Variants in ZNF320 observed in about 807,000 individuals in gnomAD.
The protein encoded by ZNF320 is zinc finger gene 320.
In ZNF320, 2 loss-of-function variants were observed where a neutral mutation model predicts 6.8. The observed-to-expected ratio is 0.29, with a 90% CI of 0.12 to 0.93. The LOEUF (loss-of-function observed/expected upper bound fraction) is 0.93. ZNF320 is among the 40% of genes least tolerant of loss of function. The pLI is 0.55. For synonymous variants in ZNF320, 208 were observed against 203.2 expected (o/e 1.02, Z -0.20); for missense variants, 472 against 611.0 (o/e 0.77, Z 2.40).
chr19:52,881,722 G>C lies in ZNF320; in HGVS notation c.404C>G (p.Pro135Arg), dbSNP rs1217143735. ...TCTTGATTCAAGCTGACCTTTAATA[G>C]GCTTGTTTCCAGCATGCCTTTGATC... ...RYDQRHAGNK[P>R]IKGQLESRFH... Residue 135 changes from proline to arginine, a missense_variant, in exon 6 of 6, where the codon CCT (proline) becomes CGT (arginine). Pro to Arg is a moderately radical substitution (Grantham distance 103). Around this residue, in one of 2 missense-constraint regions of ZNF320, gnomAD observed 462 missense variants for 559.7 expected, o/e 0.83. Transcript: ENST00000682928. 6.2e-7 allele frequency: 1 copy of C among 1,613,920 alleles called. No homozygotes were observed. The highest frequency in any genetic ancestry group is 8.5e-7 in the Non-Finnish European group (1 of 1,179,866).
intron 5 of ZNF320, among the ~76,000 whole-genome samples, chr19:52,865,174 G>A (rs778341258): frequency 1.3e-5 from 2 of 151,620 alleles, no homozygotes; most frequent in Admixed American, 6.6e-5. Flanking sequence ...ATACAAAAAT[G>A]AGCTGGGTGT....
intron 5 of ZNF320, among the ~76,000 whole-genome samples, chr19:52,887,626 G>T (rs11665695): frequency 6.6e-6 from 1 of 151,998 alleles, no homozygotes; most frequent in East Asian, 1.9e-4. Flanking sequence ...TTGCTCTGTC[G>T]TCTGGGCTGG....
At chr19:52,890,971 T>C (rs2147873398) in intron 3 of ZNF320, among the ~76,000 whole-genome samples, 1 of 152,080 alleles carries the variant, frequency 6.6e-6, no homozygotes, top group South Asian at 2.1e-4. Context: ...GCCAACATGG[T>C]GAAACCCTGT....
At chr19:52,867,606 ATTTTTT>A (rs1400456046) in intron 5 of ZNF320, among the ~76,000 whole-genome samples, 1 of 150,054 alleles carries the variant, frequency 6.7e-6, no homozygotes, top group African/African-American at 2.5e-5. Context: ...TTTTATTTTT[ATTTTTT>A]TTCTTTCTTT....
intron 5 of ZNF320, chr19:52,883,762 G>T (rs886254409): frequency 3.0e-6 from 1 of 329,000 alleles, no homozygotes; most frequent in Non-Finnish European, 6.0e-6. Context: ...TTAGCTGGAC[G>T]TGGTGGCAGG....
At chr19:52,874,862 G>A (rs1490712725), downstream of ZNF320, among the ~76,000 whole-genome samples, 1 of 152,148 alleles carries the variant, frequency 6.6e-6, no homozygotes, top group African/African-American at 2.4e-5. Context: ...GTCCTAGGTA[G>A]GGGGACAGCC....
chr19:52,862,636 C>T, exon 6 of ZNF320: 1 of 559,720 alleles, frequency 1.8e-6, no homozygotes, highest in Non-Finnish European at 3.0e-6. Context: ...GCGATGCCCT[C>T]ACCCTAAAGG....
At chr19:52,896,043 A>G (rs1251984574) in intron 1 of ZNF320, among the ~76,000 whole-genome samples, 1 of 152,218 alleles carries the variant, frequency 6.6e-6, no homozygotes, top group East Asian at 1.9e-4. Context: ...TCATAGTTGG[A>G]AAACAATGAT....
At chr19:52,863,996 G>T (rs1469449) in exon 6 of ZNF320, 1 of 458,228 alleles carries the variant, frequency 2.2e-6, no homozygotes, top group Non-Finnish European at 4.2e-6. Context: ...GATACACAAG[G>T]ACAGATTCTT....
chr19:52,886,849 C>T (rs1400643167), intron 5 of ZNF320, among the ~76,000 whole-genome samples: 1 of 152,048 alleles, frequency 6.6e-6, no homozygotes, highest in African/African-American at 2.4e-5. Context: ...GCACAAGAAT[C>T]CTTTGAGCCT....
intron 2 of ZNF320, chr19:52,893,457 G>T (rs1484427283): frequency 1.3e-5 from 2 of 152,010 alleles, no homozygotes; most frequent in African/African-American, 4.8e-5. Context: ...AGACAATTTT[G>T]GCCAGCGTGG....
upstream of ZNF320, among the ~76,000 whole-genome samples, chr19:52,898,813 T>C (rs565760957): frequency 7.9e-4 from 121 of 152,352 alleles, no homozygotes; most frequent in African/African-American, 2.8e-3. Flanking sequence ...GTCTGGAATC[T>C]ATGAATAACA....
Position 52,890,873 on chromosome 19 carries a change from G to A in ZNF320, c.-74+356C>T, listed in dbSNP as rs545234880. Among the ~76,000 whole-genome samples the A allele has an allele frequency of 5.3e-5, 8 of 152,038 alleles. No homozygotes were observed. The South Asian group carries it at 6.2e-4, about 12-fold the overall frequency. Reference sequence around the variant, plus strand: ...CTACTAAAAATACAAAAATTGGGCCGGGCGCGGTGGCTCATGCCTGTAATA... The same window carrying A: ...CTACTAAAAATACAAAAATTGGGCCAGGCGCGGTGGCTCATGCCTGTAATA... On this transcript the variant is annotated intron_variant, in intron 3 of 5. Transcript: ENST00000682928.
intron 1 of ZNF320, chr19:52,894,816 G>A (rs2064422503): frequency 6.6e-6 from 1 of 152,058 alleles, no homozygotes; most frequent in Non-Finnish European, 1.5e-5. Flanking sequence ...AGGTTGCAGT[G>A]AGCCAAGATC....
intron 5 of ZNF320, among the ~76,000 whole-genome samples, chr19:52,886,865 G>A (rs1425042735): frequency 6.6e-6 from 1 of 151,974 alleles, no homozygotes; most frequent in Non-Finnish European, 1.5e-5. Flanking sequence ...AGCCTGAAAG[G>A]CAGAGGCTGC....
upstream of ZNF320, among the ~76,000 whole-genome samples, chr19:52,901,468 G>T (rs1401720288): frequency 6.6e-6 from 1 of 152,132 alleles, no homozygotes; most frequent in East Asian, 1.9e-4. Flanking sequence ...CTTTGCAGGG[G>T]TTGGCGAAGC....
chr19:52,861,236 A>G (rs1307783278), exon 6 of ZNF320, among the ~76,000 whole-genome samples: 2 of 152,184 alleles, frequency 1.3e-5, no homozygotes, highest in African/African-American at 4.8e-5. Flanking sequence ...CAATTTTAAA[A>G]GAAAATTAAG....
In ZNF320 at chr19:52,880,500, C is replaced by G; in HGVS notation, c.*96G>C. 1 of 1,301,696 alleles carries G rather than the reference C, an allele frequency of 7.7e-7. No individual in the cohort carries two copies. The highest frequency in any genetic ancestry group is 1.4e-5 in the South Asian group (1 of 69,198). 80.6% of individuals were successfully genotyped at this position (1,301,696 alleles called of 1,614,324 possible). On this transcript the variant is annotated 3_prime_UTR_variant, in exon 6 of 6. Coordinates refer to ENST00000682928, the MANE Select transcript of ZNF320 (RefSeq NM_001351774.2). ...ACAGGTGTGAGACACCACGCCTGGC[C>G]CAATCCTCTTAACATAAACAGTTTA...
downstream of ZNF320, among the ~76,000 whole-genome samples, chr19:52,874,818 C>G (rs2115337): frequency 2.0e-5 from 3 of 152,268 alleles, no homozygotes; most frequent in East Asian, 1.9e-4. Context: ...AGGGAAGAAA[C>G]GCTGCTTGTC....
Sources: allele counts gnomAD v4.1 joint callset (sites outside exome capture counted in the v4.1 genomes callset), GRCh38; gene constraint gnomAD v4.1.1; regional missense constraint gnomAD v4.1.1; transcripts MANE v1.5; gene names NCBI Gene and HGNC (gene_info 2026-07-23, HGNC 2026-07-21).